The following COMMD10 variants were observed in gnomAD, a reference collection of about 807,000 sequenced individuals.
COMMD10 encodes the protein COMM domain containing 10.
COMMD10 carries 33 observed loss-of-function variants against 28.9 expected under a neutral mutation model. The ratio of observed to expected loss-of-function variants is 1.14; its 90% CI spans 0.87 to 1.53. COMMD10 has a LOEUF of 1.53. Ranked by LOEUF, COMMD10 falls within the 40% of genes most tolerant of loss-of-function variation. The probability of loss-of-function intolerance (pLI) is 0.00; values close to 1 mark genes in which losing one functional copy is unlikely to be tolerated. For synonymous variants in COMMD10, 110 were observed against 81.7 expected, an observed-to-expected ratio of 1.35 and a Z score of -1.87; for missense variants, 310 against 233.4, an observed-to-expected ratio of 1.33 and a Z score of -2.14.
At chr5:116,251,085 T>C (rs867979880) in intron 5 of COMMD10, among the ~76,000 whole-genome samples, 1 of 152,096 alleles carries the variant, frequency 6.6e-6, no homozygotes, top group South Asian at 2.1e-4. Context: ...TAGTTAATGC[T>C]ACCAAGTAGG....
chr5:116,213,767 G>C (rs1275227280), intron 5 of COMMD10, among the ~76,000 whole-genome samples: 1 of 151,834 alleles, frequency 6.6e-6, no homozygotes, highest in Non-Finnish European at 1.5e-5. Context: ...TCATAATACA[G>C]TGTTATTTCT....
chr5:116,191,997 C>A (rs1748383481), intron 5 of COMMD10, among the ~76,000 whole-genome samples: 1 of 151,518 alleles, frequency 6.6e-6, no homozygotes, highest in African/African-American at 2.4e-5. Flanking sequence ...TGATATTGTG[C>A]AGACAACCCC....
chr5:116,190,401 TTGTA>T (rs1466951116), intron 5 of COMMD10, among the ~76,000 whole-genome samples: 2 of 152,188 alleles, frequency 1.3e-5, no homozygotes, highest in East Asian at 3.9e-4. Context: ...TACAAAATAA[TTGTA>T]TGTGCATTTA....
chr5:116,181,137 C>T (rs916082070), intron 5 of COMMD10, among the ~76,000 whole-genome samples: 2 of 151,924 alleles, frequency 1.3e-5, no homozygotes, highest in Non-Finnish European at 2.9e-5. Context: ...GAGTGAGACC[C>T]TGTCTCCAAA....
chr5:116,111,170 T>A (rs1751030190), intron 4 of COMMD10, among the ~76,000 whole-genome samples: 1 of 152,140 alleles, frequency 6.6e-6, no homozygotes, highest in Non-Finnish European at 1.5e-5. Flanking sequence ...TTTCCTCTGG[T>A]TAGTCTTGCT....
At chr5:116,272,671 C>T (rs1369366946) in intron 5 of COMMD10, among the ~76,000 whole-genome samples, 1 of 151,756 alleles carries the variant, frequency 6.6e-6, no homozygotes, top group Non-Finnish European at 1.5e-5. Flanking sequence ...GGAAGAAATG[C>T]TTCGGAATCT....
At chr5:116,197,674 G>A (rs1162816064) in intron 5 of COMMD10, among the ~76,000 whole-genome samples, 1 of 152,132 alleles carries the variant, frequency 6.6e-6, no homozygotes, top group Non-Finnish European at 1.5e-5. Flanking sequence ...GAGCCACCGT[G>A]CCTGGCCCCA....
At chr5:116,088,312 A>C (rs1369223039) in intron 2 of COMMD10, among the ~76,000 whole-genome samples, 1 of 152,190 alleles carries the variant, frequency 6.6e-6, no homozygotes, top group African/African-American at 2.4e-5. Flanking sequence ...TTTCAAATCC[A>C]AGTTCTCACA....
chr5:116,088,501 G>T (rs1452404212), intron 2 of COMMD10, among the ~76,000 whole-genome samples: 1 of 152,178 alleles, frequency 6.6e-6, no homozygotes, highest in Non-Finnish European at 1.5e-5. Context: ...AAAGCCATCA[G>T]TGACTGTCCA....
intron 5 of COMMD10, among the ~76,000 whole-genome samples, chr5:116,266,767 C>A (rs1231522693): frequency 6.6e-6 from 1 of 151,762 alleles, no homozygotes; most frequent in African/African-American, 2.4e-5. Context: ...TGGGCTTCAT[C>A]CCTGGGATGC....
intron 5 of COMMD10, among the ~76,000 whole-genome samples, chr5:116,279,505 A>G (rs553498646): frequency 6.6e-6 from 1 of 151,924 alleles, no homozygotes; most frequent in African/African-American, 2.4e-5. Flanking sequence ...CATTCCTGTG[A>G]GGTTTTGGAA....
At chr5:116,085,369 G>C (rs556258499) in intron 1 of COMMD10, 7 of 437,118 alleles carry the variant, frequency 1.6e-5, no homozygotes, top group South Asian at 1.3e-4. Context: ...CGTGGGGTCT[G>C]CGTCACTGTT....
chr5:116,109,458 C>T (rs2112734341), intron 4 of COMMD10, among the ~76,000 whole-genome samples: 1 of 152,134 alleles, frequency 6.6e-6, no homozygotes, highest in Middle Eastern at 3.4e-3. Context: ...GCCAGGCGTG[C>T]TGGTGCGTGC....
chr5:116,136,733 CTG>C (rs1226401028), intron 5 of COMMD10, among the ~76,000 whole-genome samples: 1 of 152,016 alleles, frequency 6.6e-6, no homozygotes, highest in Non-Finnish European at 1.5e-5. Flanking sequence ...TTATGTTTTT[CTG>C]TGTTTGTATT....
At chr5:116,215,548 G>T (rs1221027370) in intron 5 of COMMD10, among the ~76,000 whole-genome samples, 1 of 151,482 alleles carries the variant, frequency 6.6e-6, no homozygotes, top group East Asian at 1.9e-4. Flanking sequence ...TGAGCCAGGC[G>T]TGGTGGCGTG....
chr5:116,104,449 C>G (rs1281859539), intron 4 of COMMD10, among the ~76,000 whole-genome samples: 1 of 151,996 alleles, frequency 6.6e-6, no homozygotes, highest in Non-Finnish European at 1.5e-5. Flanking sequence ...CTTTCTGTGT[C>G]TGTTATTGGT....
rs145818176 is a variant in COMMD10, at chr5:116,236,949, C to T, written c.511-54568C>T. ...CTCAATTTTGCTGCGAAACTAAAGCCGATCTAAAATAGATTTTTTTAAAAA... is the reference window on the plus strand; with the variant it reads ...CTCAATTTTGCTGCGAAACTAAAGCTGATCTAAAATAGATTTTTTTAAAAA... On this transcript the variant is annotated intron_variant, in intron 5 of 6. Transcript: ENST00000274458. 5.1e-4 allele frequency among the ~76,000 whole-genome samples: 78 copies of T among 151,906 alleles called. 1 individual carries two copies. In the East Asian group the frequency reaches 9.5e-3, roughly 18 times the overall value.
intron 5 of COMMD10, chr5:116,255,827 A>G (rs1286331419): frequency 1.3e-5 from 2 of 151,264 alleles, no homozygotes; most frequent in Non-Finnish European, 2.9e-5. Flanking sequence ...TGTAAGCCAT[A>G]AAGAGTATTT....
chr5:116,168,061 A>G (rs2112576490), intron 5 of COMMD10, among the ~76,000 whole-genome samples: 1 of 151,126 alleles, frequency 6.6e-6, no homozygotes, highest in Middle Eastern at 3.4e-3. Context: ...GTCAAGACCC[A>G]TTGGTGTGCT....
Sources: gnomAD v4.1 joint callset for allele counts (sites outside exome capture counted in the v4.1 genomes callset) on GRCh38, gnomAD v4.1.1 for gene constraint, MANE v1.5 for transcripts, NCBI Gene and HGNC (gene_info 2026-07-23, HGNC 2026-07-21) for gene names.